ARL5A: variants seen among roughly 807,000 people sequenced by gnomAD.
ARL5A encodes ADP-ribosylation factor-like protein 5A.
ARL5A carries 18 observed loss-of-function variants against 25.9 expected under a neutral mutation model. The observed-to-expected ratio is 0.69, with a 90% CI of 0.48 to 1.03. The LOEUF (loss-of-function observed/expected upper bound fraction) is 1.03, where lower values mean the gene tolerates loss of function less well. Ranked by LOEUF, ARL5A falls within the 50% of genes least tolerant of loss-of-function variation. ARL5A has a pLI of 0.00. For missense variants in ARL5A, 170 were observed against 211.9 expected, an observed-to-expected ratio of 0.80 and a Z score of 1.23; for synonymous variants, 61 against 67.5, an observed-to-expected ratio of 0.90 and a Z score of 0.47.
intron 4 of ARL5A, among the ~76,000 whole-genome samples, chr2:151,809,335 A>G (rs778537817): frequency 2.6e-5 from 4 of 152,230 alleles, no homozygotes; most frequent in African/African-American, 4.8e-5. Flanking sequence ...CTGAACTGAA[A>G]ATTGAAAAAC....
Position 151,801,417 on chromosome 2 carries a change from T to C in ARL5A, c.*1859A>G, listed in dbSNP as rs2099829400. 1.3e-5 allele frequency: 2 copies of C among 152,168 alleles called. No individual in the cohort carries two copies. Among genetic ancestry groups the C allele is most frequent in the Non-Finnish European group, 2.9e-5 (2 of 67,976 alleles). The allele number at this position is 152,168 out of a possible 1,614,324, so 9.4% of individuals were successfully genotyped here. ...GGATTTTCTGGGCTACATCACATAA[T>C]ATTTGTCTGGCGAAACCATAATACA... is the stretch of plus-strand genomic sequence containing the variant. On this transcript the variant is annotated 3_prime_UTR_variant, in exon 6 of 6. Transcript: ENST00000295087.
chr2:151,811,019 T>C (rs750935393), intron 4 of ARL5A, among the ~76,000 whole-genome samples: 24 of 152,278 alleles, frequency 1.6e-4, no homozygotes, highest in South Asian at 8.3e-4. Flanking sequence ...CAACTAGCAA[T>C]GAATCTGGCG....
At chr2:151,825,440 G>A (rs1204303999) in intron 1 of ARL5A, among the ~76,000 whole-genome samples, 1 of 151,694 alleles carries the variant, frequency 6.6e-6, no homozygotes, top group African/African-American at 2.4e-5. Context: ...CCTTTTCAGG[G>A]GAAATAACTA....
intron 1 of ARL5A, among the ~76,000 whole-genome samples, chr2:151,822,503 A>ACAGC (rs981061105): frequency 1.3e-5 from 2 of 152,252 alleles, no homozygotes; most frequent in African/African-American, 4.8e-5. Flanking sequence ...TCTCACCACC[A>ACAGC]CAGCCTGTTC....
intron 5 of ARL5A, 67 bp from the exon 6 acceptor site, chr2:151,803,391 C>G: frequency 8.9e-7 from 1 of 1,126,806 alleles, no homozygotes. Flanking sequence ...AAACTATGAA[C>G]AGCAAACTAA....
At chr2:151,811,857 C>G (rs2099830889) in intron 4 of ARL5A, among the ~76,000 whole-genome samples, 1 of 152,160 alleles carries the variant, frequency 6.6e-6, no homozygotes, top group Non-Finnish European at 1.5e-5. Flanking sequence ...CAGGAGTGAG[C>G]CACTGTGCCT....
chr2:151,825,851 A>C (rs1389426717), intron 1 of ARL5A, among the ~76,000 whole-genome samples: 1 of 151,782 alleles, frequency 6.6e-6, no homozygotes. Context: ...CCTGCTGGGC[A>C]CCATGGCTCA....
chr2:151,813,635 CTTT>C (rs1194183885), intron 3 of ARL5A, among the ~76,000 whole-genome samples: 1 of 152,094 alleles, frequency 6.6e-6, no homozygotes, highest in Non-Finnish European at 1.5e-5. Flanking sequence ...AACGGTCAGT[CTTT>C]TAATTCACAG....
intron 1 of ARL5A, among the ~76,000 whole-genome samples, 182 bp from the exon 2 acceptor site, chr2:151,815,381 A>G (rs1281309220): frequency 6.6e-6 from 1 of 152,162 alleles, no homozygotes; most frequent in Non-Finnish European, 1.5e-5. Context: ...GTGCCATTAT[A>G]CTCACCTTCC....
intron 5 of ARL5A, among the ~76,000 whole-genome samples, chr2:151,804,195 A>G (rs1352217915): frequency 6.6e-6 from 1 of 152,198 alleles, no homozygotes; most frequent in Non-Finnish European, 1.5e-5. Flanking sequence ...TAAGTATGTA[A>G]AACTTTTGAA....
At chr2:151,826,146 C>T (rs555540993) in intron 1 of ARL5A, among the ~76,000 whole-genome samples, 2 of 152,118 alleles carry the variant, frequency 1.3e-5, no homozygotes, top group African/African-American at 4.8e-5. Flanking sequence ...AAAACAAAAC[C>T]CAACAAATAT....
intron 2 of ARL5A, among the ~76,000 whole-genome samples, chr2:151,814,770 C>A (rs1312803672): frequency 2.0e-5 from 3 of 151,880 alleles, no homozygotes; most frequent in Non-Finnish European, 2.9e-5. Context: ...GAGATGGCAT[C>A]TCACTATGTG....
chr2:151,828,130 C>A lies in ARL5A; in HGVS notation c.46+1G>T. The A allele has an allele frequency of 6.2e-7, 1 of 1,610,350 alleles. No individual in the cohort carries two copies. Among genetic ancestry groups the A allele is most frequent in the Non-Finnish European group, 8.5e-7 (1 of 1,178,236 alleles). On this transcript the variant is annotated splice_donor_variant, in intron 1 of 5. Transcript: ENST00000295087. LOFTEE classifies it high-confidence loss of function. ...GTACGCCCGCGGACCGAGCTCCTCA[C>A]CCTGGTGATTGAACAGTCTCCATAT...
At chr2:151,812,297 A>G in intron 4 of ARL5A, 60 bp downstream of exon 4, 1 of 1,236,796 alleles carries the variant, frequency 8.1e-7, no homozygotes. Context: ...GAAACTAGAA[A>G]ACAAAGTATC....
intron 5 of ARL5A, among the ~76,000 whole-genome samples, chr2:151,806,320 T>C (rs533057154): frequency 6.6e-6 from 1 of 152,312 alleles, no homozygotes; most frequent in South Asian, 2.1e-4. Flanking sequence ...TTTAAGTGCA[T>C]CAGTTCCAAC....
Position 151,828,275 on chromosome 2 carries a change from T to C in ARL5A, c.-99A>G, listed in dbSNP as rs1461152383. ...AGAGAGACGCGCTGGAGCCTCCGCC[T>C]CTGCTGCTGCTCCCGCGCTGGTCGC... On this transcript the variant is annotated 5_prime_UTR_variant, in exon 1 of 6. Coordinates refer to ENST00000295087, the MANE Select transcript of ARL5A (RefSeq NM_012097.4). 21 of 1,073,172 alleles carry C rather than the reference T, an allele frequency of 2.0e-5. No homozygotes were observed. In the East Asian group the frequency reaches 5.6e-4, roughly 29 times the overall value. 66.5% of individuals were successfully genotyped at this position (1,073,172 alleles called of 1,614,324 possible).
chr2:151,828,216 G>A lies in ARL5A; in HGVS notation c.-40C>T. 3 of 1,590,456 alleles carry A rather than the reference G, an allele frequency of 1.9e-6. No homozygotes were observed. Among genetic ancestry groups the A allele is most frequent in the Non-Finnish European group, 2.6e-6 (3 of 1,163,740 alleles). On this transcript the variant is annotated 5_prime_UTR_variant, in exon 1 of 6. Transcript: ENST00000295087. The stretch of plus-strand genomic sequence containing the variant: ...CCCCCCCCCTCCAGACACCCGGGCC[G>A]CCTGGCTTCCCCCGGCTCAGGCTGA...
intron 5 of ARL5A, among the ~76,000 whole-genome samples, chr2:151,805,627 C>T (rs1034785820): frequency 1.3e-5 from 2 of 152,114 alleles, no homozygotes; most frequent in Non-Finnish European, 2.9e-5. Flanking sequence ...GGCTCTGTGC[C>T]ATACAACCTG....
At chr2:151,817,896 T>C (rs2099831730) in intron 1 of ARL5A, among the ~76,000 whole-genome samples, 1 of 152,158 alleles carries the variant, frequency 6.6e-6, no homozygotes, top group African/African-American at 2.4e-5. Flanking sequence ...TCCCAGCTAC[T>C]TGGGAGGCTG....
Sources: gnomAD v4.1 joint callset for allele counts (sites outside exome capture counted in the v4.1 genomes callset) on GRCh38, gnomAD v4.1.1 for gene constraint, MANE v1.5 for transcripts, NCBI Gene and HGNC (gene_info 2026-07-23, HGNC 2026-07-21) for gene names.